Variants in KAZN observed in about 807,000 individuals in gnomAD.
The protein encoded by KAZN is kazrin.
In KAZN, 40 loss-of-function variants were observed where a neutral mutation model predicts 87.4. That is an observed-to-expected ratio of 0.46 (90% CI 0.36 to 0.60). The LOEUF is 0.60. Ranked by LOEUF, KAZN falls within the 20% of genes least tolerant of loss-of-function variation. The pLI is 0.00. For synonymous variants in KAZN, 466 were observed against 458.3 expected, an observed-to-expected ratio of 1.02 and a Z score of -0.22; for missense variants, 898 against 1,073.9, an observed-to-expected ratio of 0.84 and a Z score of 2.29.
upstream of KAZN, among the ~76,000 whole-genome samples, chr1:14,595,362 G>A (rs188954542): frequency 8.5e-5 from 13 of 152,142 alleles, no homozygotes; most frequent in Admixed American, 2.0e-4. Flanking sequence ...CCGGAGGAGC[G>A]GTGGTAAAGC....
intron 1 of KAZN, among the ~76,000 whole-genome samples, chr1:14,057,753 G>A (rs1642633885): frequency 6.6e-6 from 1 of 152,162 alleles, no homozygotes; most frequent in Non-Finnish European, 1.5e-5. Context: ...AAATGCTAAT[G>A]TGGGCCAGGC....
At chr1:14,279,413 TCTC>T (rs1652668137) in intron 2 of KAZN, among the ~76,000 whole-genome samples, 1 of 152,200 alleles carries the variant, frequency 6.6e-6, no homozygotes, top group Non-Finnish European at 1.5e-5. Context: ...ATTGAACTGG[TCTC>T]ATCAGAGTCA....
At chr1:14,570,717 G>C (rs966418581) in intron 2 of KAZN, among the ~76,000 whole-genome samples, 1 of 152,180 alleles carries the variant, frequency 6.6e-6, no homozygotes, top group Non-Finnish European at 1.5e-5. Flanking sequence ...TTGTGTGGAC[G>C]TATGTTCTCA....
At chr1:14,870,692 G>C (rs774643070) in intron 1 of KAZN, among the ~76,000 whole-genome samples, 1 of 152,164 alleles carries the variant, frequency 6.6e-6, no homozygotes, top group Admixed American at 6.5e-5. Context: ...ATGAGCTGCT[G>C]TGATGCTTCA....
At chr1:14,253,607 C>A (rs934341600) in intron 2 of KAZN, among the ~76,000 whole-genome samples, 2 of 152,120 alleles carry the variant, frequency 1.3e-5, no homozygotes, top group Non-Finnish European at 2.9e-5. Flanking sequence ...AAGGAGAGGC[C>A]TTGGTGGCAA....
At chr1:15,036,565 C>T (rs1040035321) in intron 3 of KAZN, among the ~76,000 whole-genome samples, 1 of 152,214 alleles carries the variant, frequency 6.6e-6, no homozygotes, top group Admixed American at 6.5e-5. Context: ...CTTTCTCAGA[C>T]TCTGGCATGG....
intron 1 of KAZN, among the ~76,000 whole-genome samples, chr1:13,920,915 A>T (rs1640040852): frequency 1.3e-5 from 2 of 152,212 alleles, no homozygotes; most frequent in African/African-American, 4.8e-5. Flanking sequence ...TGTTTGTCCA[A>T]GATGGCGATG....
At chr1:13,928,930 A>G (rs1419003266) in intron 1 of KAZN, among the ~76,000 whole-genome samples, 1 of 151,908 alleles carries the variant, frequency 6.6e-6, no homozygotes, top group Non-Finnish European at 1.5e-5. Context: ...TGCTCAAACA[A>G]GTTGTGAATT....
chr1:14,066,724 C>T (rs542841027), intron 1 of KAZN, among the ~76,000 whole-genome samples: 12 of 152,286 alleles, frequency 7.9e-5, no homozygotes, highest in African/African-American at 2.9e-4. Flanking sequence ...TACATAGGAG[C>T]TTTATGACTC....
intron 1 of KAZN, among the ~76,000 whole-genome samples, chr1:14,720,393 A>T (rs1643030405): frequency 6.6e-6 from 1 of 152,180 alleles, no homozygotes; most frequent in South Asian, 2.1e-4. Flanking sequence ...GTCAAATGCC[A>T]CCGTGAGTCT....
At chr1:14,185,192 C>T (rs565701598) in intron 2 of KAZN, among the ~76,000 whole-genome samples, 4 of 152,212 alleles carry the variant, frequency 2.6e-5, no homozygotes, top group African/African-American at 9.6e-5. Context: ...GGATGTAACA[C>T]CATGATGGAG....
chr1:14,780,565 T>C (rs1385582496), intron 1 of KAZN, among the ~76,000 whole-genome samples: 1 of 152,208 alleles, frequency 6.6e-6, no homozygotes, highest in Non-Finnish European at 1.5e-5. Flanking sequence ...ATCTGCCCCA[T>C]AGGGTTGGTG....
chr1:13,921,823 G>C (rs565532243), intron 1 of KAZN, among the ~76,000 whole-genome samples: 1 of 152,086 alleles, frequency 6.6e-6, no homozygotes, highest in East Asian at 1.9e-4. Context: ...AGTAGAGATG[G>C]GGTTTCACTG....
chr1:14,883,498 C>CCCAGGAAAGAGCCCG, intron 1 of KAZN, among the ~76,000 whole-genome samples: 2 of 146,640 alleles, frequency 1.4e-5, no homozygotes, highest in African/African-American at 5.5e-5. Context: ...GGCCTCTGTC[C>CCCAGGAAAGAGCCCG]CACCTTTTTC....
At chr1:14,570,128 A>T (rs1268656111) in intron 2 of KAZN, among the ~76,000 whole-genome samples, 1 of 151,696 alleles carries the variant, frequency 6.6e-6, no homozygotes, top group Non-Finnish European at 1.5e-5. Flanking sequence ...AATTAATAAT[A>T]AAAAATTTTT....
intron 1 of KAZN, among the ~76,000 whole-genome samples, chr1:14,651,541 A>G (rs1374286467): frequency 1.3e-5 from 2 of 152,236 alleles, no homozygotes; most frequent in Non-Finnish European, 2.9e-5. Flanking sequence ...GTTTAGCCCC[A>G]TAGTGGACCC....
intron 1 of KAZN, among the ~76,000 whole-genome samples, chr1:14,948,261 A>C (rs566350559): frequency 6.6e-6 from 1 of 152,350 alleles, no homozygotes; most frequent in Admixed American, 6.5e-5. Flanking sequence ...CAGGGATAGG[A>C]TCTGGCTTCA....
At chr1:15,100,482 C>T (rs551239691) in intron 10 of KAZN, among the ~76,000 whole-genome samples, 17 of 152,204 alleles carry the variant, frequency 1.1e-4, no homozygotes, top group South Asian at 4.1e-4. Flanking sequence ...CCTGTCAGAC[C>T]TGGGGCATTT....
chr1:14,921,738 G>A (rs1658548897), intron 1 of KAZN, among the ~76,000 whole-genome samples: 1 of 152,276 alleles, frequency 6.6e-6, no homozygotes, highest in Admixed American at 6.5e-5. Flanking sequence ...TTGAGACCAG[G>A]TCTCACTCTG....
Sources: gnomAD v4.1 joint callset for allele counts (sites outside exome capture counted in the v4.1 genomes callset) on GRCh38, gnomAD v4.1.1 for gene constraint, MANE v1.5 for transcripts, NCBI Gene and HGNC (gene_info 2026-07-23, HGNC 2026-07-21) for gene names.